Variants in EPAS1 observed in about 807,000 individuals in gnomAD.
EPAS1 encodes the protein endothelial PAS domain protein 1.
Under a neutral mutation model 87.9 loss-of-function variants are expected in EPAS1, and 23 were observed. That is an observed-to-expected ratio of 0.26 (90% CI 0.19 to 0.37). The LOEUF (loss-of-function observed/expected upper bound fraction) is 0.37, where lower values mean the gene tolerates loss of function less well. EPAS1 is among the 10% of genes least tolerant of loss of function. EPAS1 has a pLI of 1.00. For missense variants in EPAS1, 1,138 were observed against 1,120.7 expected (o/e 1.02, Z -0.22); for synonymous variants, 508 against 444.3 (o/e 1.14, Z -1.80).
At chr2:46,349,069 C>T (rs1684091275) in intron 2 of EPAS1, among the ~76,000 whole-genome samples, 2 of 152,114 alleles carry the variant, frequency 1.3e-5, no homozygotes, top group African/African-American at 4.8e-5. Flanking sequence ...GGAAAACAGA[C>T]ATGGGACAGC....
At chr2:46,330,235 C>A (rs1360821221) in intron 1 of EPAS1, among the ~76,000 whole-genome samples, 3 of 152,342 alleles carry the variant, frequency 2.0e-5, no homozygotes, top group Admixed American at 6.5e-5. Flanking sequence ...CAAGCACCCC[C>A]ATTCCCACAG....
chr2:46,372,221 A>T (rs539721898), intron 7 of EPAS1, among the ~76,000 whole-genome samples: 1 of 152,288 alleles, frequency 6.6e-6, no homozygotes, highest in East Asian at 1.9e-4. Context: ...AAAGGGACAA[A>T]CCCATAGCTA....
chr2:46,361,969 G>A (rs1684399075), intron 6 of EPAS1, among the ~76,000 whole-genome samples: 1 of 152,118 alleles, frequency 6.6e-6, no homozygotes, highest in African/African-American at 2.4e-5. Flanking sequence ...ACAGATGCCC[G>A]GAGCAATGGC....
At chr2:46,326,918 G>A (rs1460684977) in intron 1 of EPAS1, among the ~76,000 whole-genome samples, 5 of 152,206 alleles carry the variant, frequency 3.3e-5, no homozygotes, top group African/African-American at 1.2e-4. Flanking sequence ...TCCAGTCCGA[G>A]ATTTACCACC....
At chr2:46,297,991 G>C in intron 1 of EPAS1, 54 bp downstream of exon 1, 1 of 1,601,086 alleles carries the variant, frequency 6.2e-7, no homozygotes, top group Non-Finnish European at 8.5e-7. Context: ...GGGCCGGGCT[G>C]CGCGGGGCAG....
At chr2:46,324,093 G>A (rs1683506547) in intron 1 of EPAS1, among the ~76,000 whole-genome samples, 1 of 152,242 alleles carries the variant, frequency 6.6e-6, no homozygotes, top group Admixed American at 6.5e-5. Flanking sequence ...TTGAGACGGA[G>A]TCTCGTTCTG....
At chr2:46,314,997 G>A (rs548042425) in intron 1 of EPAS1, among the ~76,000 whole-genome samples, 122 of 152,252 alleles carry the variant, frequency 8.0e-4, no homozygotes, top group African/African-American at 2.6e-3. Flanking sequence ...CTGGGGTGAC[G>A]GAGAGCACCC....
chr2:46,381,733 C>T lies in EPAS1; in HGVS notation c.2172+11C>T. Reference sequence around the variant, plus strand: ...CAGGACCTGAGCGGGGTGAGTCATCCCCACTGGCCACAGGGGCCTCTCCAT... The same window carrying T: ...CAGGACCTGAGCGGGGTGAGTCATCTCCACTGGCCACAGGGGCCTCTCCAT... On this transcript the variant is annotated intron_variant, in intron 13 of 15. Coordinates refer to ENST00000263734, the MANE Select transcript of EPAS1 (RefSeq NM_001430.5). 2.5e-6 allele frequency: 4 copies of T among 1,613,630 alleles called. No homozygotes were observed. The highest frequency in any genetic ancestry group is 1.7e-5 in the Admixed American group (1 of 60,020).
chr2:46,329,149 T>G (rs189973669), intron 1 of EPAS1, among the ~76,000 whole-genome samples: 9 of 152,338 alleles, frequency 5.9e-5, no homozygotes, highest in African/African-American at 2.2e-4. Flanking sequence ...TTTTCCTTAA[T>G]AGGGGCATTT....
chr2:46,369,319 T>C (rs1375658788), intron 6 of EPAS1, among the ~76,000 whole-genome samples: 1 of 152,112 alleles, frequency 6.6e-6, no homozygotes, highest in East Asian at 1.9e-4. Context: ...GAGACAAAGG[T>C]GGCTCTACCT....
chr2:46,298,274 G>T (rs375025542), intron 1 of EPAS1, among the ~76,000 whole-genome samples: 1 of 152,216 alleles, frequency 6.6e-6, no homozygotes, highest in Non-Finnish European at 1.5e-5. Context: ...GGCCACCGGC[G>T]CTTGGAAATG....
At chr2:46,344,403 C>T (rs187614896) in intron 1 of EPAS1, among the ~76,000 whole-genome samples, 18 of 152,274 alleles carry the variant, frequency 1.2e-4, no homozygotes, top group East Asian at 7.7e-4. Flanking sequence ...CCCCTGATGA[C>T]GAGGTTATGT....
At chr2:46,384,420 C>G (rs1458809747) in intron 15 of EPAS1, 89 bp from the exon 16 acceptor site, 6 of 1,573,570 alleles carry the variant, frequency 3.8e-6, no homozygotes, top group Non-Finnish European at 4.4e-6. Flanking sequence ...TAGGGCTGCT[C>G]TATTGGTATC....
Position 46,380,051 on chromosome 2 carries a change from C to A in EPAS1, c.1555-176C>A. On this transcript the variant is annotated intron_variant, in intron 11 of 15. Transcript: ENST00000263734. The surrounding 1 kb of genome is among the most constrained non-coding windows in gnomAD (Gnocchi z 4.4). The stretch of plus-strand genomic sequence containing the variant: ...CTGGTACATGATACAAGGTCGTGTA[C>A]ATGACACAGCCAAGTCTGAGGTTTT... 1 of 952,996 alleles carries A rather than the reference C, an allele frequency of 1.0e-6. No homozygotes were observed. Among genetic ancestry groups the A allele is most frequent in the South Asian group, 1.3e-5 (1 of 74,370 alleles). The allele number at this position is 952,996 out of a possible 1,614,324, so 59.0% of individuals were successfully genotyped here.
At chr2:46,319,487 C>CA (rs1321371600) in intron 1 of EPAS1, among the ~76,000 whole-genome samples, 1 of 152,182 alleles carries the variant, frequency 6.6e-6, no homozygotes, top group Non-Finnish European at 1.5e-5. Context: ...AAGAAAGTAT[C>CA]ATTCAGATTT....
At position 46,384,820 on chromosome 2, in the gene EPAS1, C is replaced by G; in HGVS notation, c.*160C>G. 1.3e-6 allele frequency: 1 copy of G among 789,766 alleles called. No individual in the cohort carries two copies. Among genetic ancestry groups the G allele is most frequent in the Non-Finnish European group, 2.1e-6 (1 of 487,172 alleles). 48.9% of individuals were successfully genotyped at this position (789,766 alleles called of 1,614,324 possible). On this transcript the variant is annotated 3_prime_UTR_variant, in exon 16 of 16. Transcript: ENST00000263734. ...CAGGTCACCAAGCAGTGGCCTTTTT[C>G]TGAGATGCTCACTTTATTATCCCTA...
chr2:46,302,118 C>CTGTGTGTGTGTGTG (rs35880089), intron 1 of EPAS1, among the ~76,000 whole-genome samples: 4 of 127,578 alleles, frequency 3.1e-5, no homozygotes, highest in Admixed American at 7.8e-5. Flanking sequence ...CTCTTTCTCT[C>CTGTGTGTGTGTGTG]TGTGTGTGTG....
At chr2:46,301,345 G>T (rs894388784) in intron 1 of EPAS1, among the ~76,000 whole-genome samples, 10 of 152,240 alleles carry the variant, frequency 6.6e-5, no homozygotes, top group African/African-American at 2.4e-4. Context: ...GGAGGCTGAG[G>T]CTGCGGATCA....
intron 1 of EPAS1, 87 bp downstream of exon 1, chr2:46,298,024 G>T (rs1682920480): frequency 5.2e-6 from 8 of 1,523,818 alleles, no homozygotes; most frequent in Non-Finnish European, 7.2e-6. Context: ...GTGGTTGGGA[G>T]AAGAGTGCTG....
Sources: gnomAD v4.1 joint callset for allele counts (sites outside exome capture counted in the v4.1 genomes callset) on GRCh38, gnomAD v4.1.1 for gene constraint, Gnocchi (gnomAD v3.1) non-coding constraint, MANE v1.5 for transcripts, NCBI Gene and HGNC (gene_info 2026-07-23, HGNC 2026-07-21) for gene names.